Variants in DIPK1A observed in about 807,000 individuals in gnomAD.
DIPK1A encodes the protein family with sequence similarity 69 member A.
DIPK1A carries 27 observed loss-of-function variants against 40.8 expected under a neutral mutation model. The observed-to-expected ratio is 0.66, with a 90% CI of 0.49 to 0.91. The LOEUF (loss-of-function observed/expected upper bound fraction) is 0.91. Among genes scored for constraint, DIPK1A ranks in the 40% least tolerant of loss-of-function variants. DIPK1A has a pLI of 0.00. For synonymous variants in DIPK1A, 166 were observed against 171.3 expected, an observed-to-expected ratio of 0.97 and a Z score of 0.24; for missense variants, 412 against 505.7, an observed-to-expected ratio of 0.81 and a Z score of 1.78.
At chr1:92,885,812 A>G (rs1477224372) in intron 1 of DIPK1A, among the ~76,000 whole-genome samples, 2 of 152,210 alleles carry the variant, frequency 1.3e-5, no homozygotes, top group African/African-American at 2.4e-5. Flanking sequence ...AAATAATGCC[A>G]GATTGTTATG....
chr1:92,904,411 G>C (rs528621093), intron 1 of DIPK1A, among the ~76,000 whole-genome samples: 43 of 152,234 alleles, frequency 2.8e-4, no homozygotes, highest in Middle Eastern at 3.4e-3. Context: ...ATGGTGTTTA[G>C]GGTAATAGGT....
intron 1 of DIPK1A, among the ~76,000 whole-genome samples, chr1:92,947,014 G>T (rs1651394286): frequency 6.7e-6 from 1 of 149,560 alleles, no homozygotes; most frequent in Non-Finnish European, 1.5e-5. Context: ...AAATTTTTTT[G>T]ATAATGCAAT....
intron 1 of DIPK1A, among the ~76,000 whole-genome samples, chr1:92,941,989 CA>C (rs796153358): frequency 0.025 from 2,192 of 88,064 alleles, 38 homozygotes; most frequent in African/African-American, 0.074. Context: ...GACTCTGTCT[CA>C]AAAAAAAAAA....
At chr1:92,932,109 A>G in intron 1 of DIPK1A, 1 of 343,052 alleles carries the variant, frequency 2.9e-6, no homozygotes, top group Admixed American at 3.4e-5. Context: ...CAGGGTGGTA[A>G]AGAATCTACG....
At chr1:92,882,973 C>A (rs1648445341) in intron 1 of DIPK1A, among the ~76,000 whole-genome samples, 1 of 152,174 alleles carries the variant, frequency 6.6e-6, no homozygotes, top group Non-Finnish European at 1.5e-5. Context: ...CTCGGTTGTG[C>A]CAGGAGGAAG....
intron 1 of DIPK1A, among the ~76,000 whole-genome samples, chr1:92,944,063 A>G (rs913350980): frequency 6.6e-6 from 1 of 152,184 alleles, no homozygotes; most frequent in East Asian, 1.9e-4. Context: ...AAAGAAACAA[A>G]TAACTTTTAA....
chr1:92,946,954 A>AG (rs1465325151), intron 1 of DIPK1A, among the ~76,000 whole-genome samples: 1 of 151,742 alleles, frequency 6.6e-6, no homozygotes, highest in Non-Finnish European at 1.5e-5. Context: ...AAAAAAAAAA[A>AG]AAAAAAACCA....
chr1:92,841,981 T>C (rs536109849), downstream of DIPK1A: 4 of 961,966 alleles, frequency 4.2e-6, no homozygotes, highest in South Asian at 7.1e-5. Context: ...TGAAATATTT[T>C]GGAAAAGCAA....
At chr1:92,876,526 A>C in intron 1 of DIPK1A, 96 bp from the exon 2 acceptor site, 79 of 1,301,054 alleles carry the variant, frequency 6.1e-5, no homozygotes, top group Non-Finnish European at 7.5e-5. Context: ...GGAACAACTC[A>C]ATATATATTC....
chr1:92,878,423 G>T (rs943944186), intron 1 of DIPK1A, among the ~76,000 whole-genome samples: 12 of 152,042 alleles, frequency 7.9e-5, no homozygotes, highest in Non-Finnish European at 1.5e-5. Context: ...AGGAGCTCAC[G>T]CCTGTAATCC....
chr1:92,888,397 A>G (rs1030678908), intron 1 of DIPK1A, among the ~76,000 whole-genome samples: 1 of 152,194 alleles, frequency 6.6e-6, no homozygotes, highest in African/African-American at 2.4e-5. Flanking sequence ...ATAGTATTCC[A>G]TTATGTATAT....
intron 1 of DIPK1A, among the ~76,000 whole-genome samples, chr1:92,889,413 C>T (rs908789734): frequency 1.1e-4 from 16 of 152,154 alleles, no homozygotes; most frequent in South Asian, 2.1e-4. Flanking sequence ...TAGTATATTT[C>T]GAAATCTGGT....
At chr1:92,833,806 A>G (rs1687010760) in intron 4 of DIPK1A, 1 of 666,998 alleles carries the variant, frequency 1.5e-6, no homozygotes, top group East Asian at 2.7e-5. Flanking sequence ...TAGGTCTAGA[A>G]TTGGAACCTG....
At chr1:92,917,574 G>T (rs1003320923) in intron 1 of DIPK1A, among the ~76,000 whole-genome samples, 1 of 152,128 alleles carries the variant, frequency 6.6e-6, no homozygotes, top group African/African-American at 2.4e-5. Flanking sequence ...AAAGTGAAAG[G>T]TTCCCCCATT....
chr1:92,903,550 A>G (rs765404342), intron 1 of DIPK1A, among the ~76,000 whole-genome samples: 1 of 152,232 alleles, frequency 6.6e-6, no homozygotes, highest in Non-Finnish European at 1.5e-5. Flanking sequence ...AGGCACTGAT[A>G]AGAGCTGGTG....
chr1:92,886,484 A>G (rs1181019941), intron 1 of DIPK1A, among the ~76,000 whole-genome samples: 1 of 151,958 alleles, frequency 6.6e-6, no homozygotes. Context: ...CTGTACCCAT[A>G]CTGTAAAATG....
chr1:92,958,706 C>G (rs1651941432), intron 1 of DIPK1A, among the ~76,000 whole-genome samples: 1 of 152,206 alleles, frequency 6.6e-6, no homozygotes, highest in Non-Finnish European at 1.5e-5. Context: ...TAGTTTCCCT[C>G]ATAAGAATTT....
At chr1:92,938,702 C>G (rs540348458) in intron 1 of DIPK1A, among the ~76,000 whole-genome samples, 1 of 152,056 alleles carries the variant, frequency 6.6e-6, no homozygotes, top group South Asian at 2.1e-4. Context: ...ATTCCTCTTT[C>G]AATAATGAAT....
Position 92,959,903 on chromosome 1 carries a change from C to CTTTT in DIPK1A, c.54+1469_54+1472dup, listed in dbSNP as rs1157142089. Among the ~76,000 whole-genome samples, 238 of 47,858 alleles carry CTTTT rather than the reference C, an allele frequency of 5.0e-3. 8 individuals carry two copies. The highest frequency in any genetic ancestry group is 0.016 in the South Asian group (12 of 746). 31.4% of individuals were successfully genotyped at this position (47,858 alleles called of 152,430 possible). ...GCTGGGACCACAGGCACCCAACCAA[C>CTTTT]TTTTTTTTTTTTTTTTTTTTTTTTG... On this transcript the variant is annotated intron_variant, in intron 1 of 4. Coordinates refer to ENST00000370310, the MANE Select transcript of DIPK1A (RefSeq NM_001006605.5).
Sources: gnomAD v4.1 joint callset for allele counts (sites outside exome capture counted in the v4.1 genomes callset) on GRCh38, gnomAD v4.1.1 for gene constraint, MANE v1.5 for transcripts, NCBI Gene and HGNC (gene_info 2026-07-23, HGNC 2026-07-21) for gene names.